Variants in IMPG2 observed in about 807,000 individuals in gnomAD.
The protein encoded by IMPG2 is interphotoreceptor matrix proteoglycan 2.
A neutral mutation model predicts 129.2 loss-of-function variants in IMPG2; 91 were observed. The ratio of observed to expected loss-of-function variants is 0.70; its 90% CI spans 0.59 to 0.84. The LOEUF (loss-of-function observed/expected upper bound fraction) is 0.84. IMPG2 is among the 40% of genes least tolerant of loss of function. IMPG2 has a pLI of 0.00. For missense variants in IMPG2, 1,430 were observed against 1,461.7 expected, an observed-to-expected ratio of 0.98 and a Z score of 0.35; for synonymous variants, 510 against 517.7, an observed-to-expected ratio of 0.99 and a Z score of 0.20.
chr3:101,247,227 A>G (rs1354519505), intron 11 of IMPG2, among the ~76,000 whole-genome samples: 1 of 152,254 alleles, frequency 6.6e-6, no homozygotes, highest in Admixed American at 6.5e-5. Context: ...CCACAGGGAA[A>G]AAACTCGTAA....
chr3:101,255,755 A>G (rs966905008), intron 10 of IMPG2, among the ~76,000 whole-genome samples: 1 of 152,102 alleles, frequency 6.6e-6, no homozygotes, highest in Non-Finnish European at 1.5e-5. Flanking sequence ...TTATCTGTTC[A>G]CTATTTTATC....
At chr3:101,238,396 T>C (rs754547361) in intron 14 of IMPG2, among the ~76,000 whole-genome samples, 13 of 151,648 alleles carry the variant, frequency 8.6e-5, no homozygotes, top group Non-Finnish European at 1.5e-4. Flanking sequence ...CCAAGAAGAG[T>C]AATCCCAAGA....
intron 18 of IMPG2, chr3:101,227,924 T>C (rs1239925543): frequency 9.1e-6 from 4 of 437,806 alleles, no homozygotes; most frequent in African/African-American, 8.1e-5. Context: ...ATGGGTGTTA[T>C]TGTGACCCTT....
At chr3:101,232,223 AT>A (rs11449916) in intron 15 of IMPG2, among the ~76,000 whole-genome samples, 16 of 148,946 alleles carry the variant, frequency 1.1e-4, no homozygotes, top group East Asian at 3.9e-4. Flanking sequence ...TAGGATTTTT[AT>A]TTTTTTTTTA....
At chr3:101,238,069 G>T (rs1706367024) in intron 14 of IMPG2, among the ~76,000 whole-genome samples, 1 of 151,908 alleles carries the variant, frequency 6.6e-6, no homozygotes, top group African/African-American at 2.4e-5. Context: ...AGAACTTTGT[G>T]AAGCATACAC....
In IMPG2 at chr3:101,275,700, C is replaced by T. The variant is rs766509517; in HGVS notation, c.629G>A (p.Gly210Asp). 33 of 1,613,868 alleles carry T rather than the reference C, an allele frequency of 2.0e-5. 1 individual carries two copies. In the South Asian group the frequency reaches 3.3e-4, roughly 16 times the overall value. Residue 210 changes from glycine (G) to aspartate (D), a missense_variant, in exon 6 of 19, where the codon GGT becomes GAT. Gly to Asp is a moderately conservative substitution (Grantham distance 94). Transcript: ENST00000193391. ...VPHPEVDAYE[G>D]ASESSLERPE... ...CCTTTCCAAGCTGCTCTCTGAGGCA[C>T]CTTCATAGGCGTCCACCTCTGGATG... is the stretch of plus-strand genomic sequence containing the variant.
chr3:101,277,967 G>A (rs920518224), intron 4 of IMPG2, among the ~76,000 whole-genome samples: 1 of 152,078 alleles, frequency 6.6e-6, no homozygotes, highest in Non-Finnish European at 1.5e-5. Context: ...GGGCACAGTG[G>A]CTCATGCCTG....
chr3:101,292,356 C>T (rs1467950390), intron 3 of IMPG2, among the ~76,000 whole-genome samples: 2 of 152,144 alleles, frequency 1.3e-5, no homozygotes, highest in Non-Finnish European at 1.5e-5. Flanking sequence ...AAGCAAATAT[C>T]CCAATAAAGC....
At chr3:101,271,956 A>G (rs1004518454) in intron 7 of IMPG2, among the ~76,000 whole-genome samples, 13 of 152,120 alleles carry the variant, frequency 8.5e-5, no homozygotes, top group African/African-American at 3.1e-4. Context: ...AGCATAAGGA[A>G]CTATGTGAGG....
rs771526450 is a variant in IMPG2, at chr3:101,231,055, G to A, written c.3324C>T (p.Ser1108=). 6 of 1,613,976 alleles carry A rather than the reference G, an allele frequency of 3.7e-6. No individual in the cohort carries two copies. Among genetic ancestry groups the A allele is most frequent in the South Asian group, 2.2e-5 (2 of 91,082 alleles). The change falls in exon 16 of 19, where the codon TCC becomes TCT. Residue 1108 remains serine, a synonymous_variant. Transcript: ENST00000193391. ...EPVIIGITIA[S]VVGLLVIFSA... is the part of the protein sequence containing the mutation. ...AAAAGATGACAAGAAGTCCAACCAC[G>A]GAGGCAATAGTGATGCCTATGATCA... is the stretch of plus-strand genomic sequence containing the variant.
chr3:101,257,842 T>C (rs1706628477), intron 9 of IMPG2, 69 bp from the exon 10 acceptor site: 1 of 1,559,892 alleles, frequency 6.4e-7, no homozygotes. Context: ...ATTGAACCCA[T>C]GAAGAACAAA....
At position 101,245,950 on chromosome 3, in the gene IMPG2, G is replaced by A; in HGVS notation, c.1395C>T (p.Ala465=). Residue 465 remains alanine, a synonymous_variant, in exon 12 of 19, where the codon GCC becomes GCT. Coordinates refer to ENST00000193391, the MANE Select transcript of IMPG2 (RefSeq NM_016247.4). ...AGCTGAGGCCCATCTTCGAGGGAAA[G>A]GCTAATTTGTGTGTAGACACTAAAT... The part of the protein sequence containing the change: ...LGDLVSTHKL[A]FPSKMGLSSS... 6.2e-7 allele frequency: 1 copy of A among 1,614,144 alleles called. No individual in the cohort carries two copies. The highest frequency in any genetic ancestry group is 8.5e-7 in the Non-Finnish European group (1 of 1,180,026).
chr3:101,273,461 C>T (rs1049635084), intron 7 of IMPG2, 120 bp downstream of exon 7: 8 of 1,049,376 alleles, frequency 7.6e-6, no homozygotes, highest in Non-Finnish European at 1.1e-5. Context: ...TAAGTAACCA[C>T]TCCAGGAACC....
At chr3:101,282,259 G>A (rs145267026) in intron 4 of IMPG2, among the ~76,000 whole-genome samples, 1,873 of 152,124 alleles carry the variant, frequency 0.012, 44 homozygotes, top group African/African-American at 0.043. Flanking sequence ...ATATTCAAGC[G>A]GAGAAAGATA....
At chr3:101,227,411 TAGAC>T (rs1030841803) in intron 18 of IMPG2, among the ~76,000 whole-genome samples, 1 of 152,220 alleles carries the variant, frequency 6.6e-6, no homozygotes, top group Non-Finnish European at 1.5e-5. Context: ...ATTTTAATGT[TAGAC>T]AGTGCACCAG....
intron 2 of IMPG2, among the ~76,000 whole-genome samples, chr3:101,308,652 C>T (rs540317570): frequency 1.3e-5 from 2 of 152,348 alleles, no homozygotes; most frequent in South Asian, 2.1e-4. Flanking sequence ...GCTGTGAAGA[C>T]CTCTGACATG....
chr3:101,241,536 T>C lies in IMPG2; in HGVS notation c.3022+1152A>G, dbSNP rs1022279065. Among the ~76,000 whole-genome samples the C allele has an allele frequency of 2.0e-5, 3 of 152,166 alleles. No individual in the cohort carries two copies. The East Asian group carries it at 5.8e-4, about 29-fold the overall frequency. On this transcript the variant is annotated intron_variant, in intron 14 of 18. Transcript: ENST00000193391. The stretch of plus-strand genomic sequence containing the variant: ...CCATTCAAGAGTACCATGGGGGCTA[T>C]ATGGAGGATGGATAGGAGGAGGAGC...
intron 2 of IMPG2, among the ~76,000 whole-genome samples, chr3:101,317,576 A>G (rs2058791828): frequency 6.6e-6 from 1 of 152,172 alleles, no homozygotes; most frequent in South Asian, 2.1e-4. Flanking sequence ...AGCAAGACCT[A>G]TGTTAAAATA....
intron 11 of IMPG2, among the ~76,000 whole-genome samples, chr3:101,251,453 A>G (rs1706543313): frequency 1.3e-5 from 2 of 152,214 alleles, no homozygotes; most frequent in Non-Finnish European, 2.9e-5. Flanking sequence ...AGGTTAACAC[A>G]TACATGCCAG....
Sources: allele counts gnomAD v4.1 joint callset (sites outside exome capture counted in the v4.1 genomes callset), GRCh38; gene constraint gnomAD v4.1.1; transcripts MANE v1.5; gene names NCBI Gene and HGNC (gene_info 2026-07-23, HGNC 2026-07-21).